Variants in PCDH15 observed in about 807,000 individuals in gnomAD.
The protein encoded by PCDH15 is protocadherin-15.
A neutral mutation model predicts 178.5 loss-of-function variants in PCDH15; 129 were observed. The ratio of observed to expected loss-of-function variants is 0.72; its 90% CI spans 0.63 to 0.84. The LOEUF is 0.84. Among genes scored for constraint, PCDH15 ranks in the 40% least tolerant of loss-of-function variants. The pLI, the probability that PCDH15 is intolerant of heterozygous loss-of-function variation, is 0.00. For missense variants in PCDH15, 2,230 were observed against 2,099.9 expected, an observed-to-expected ratio of 1.06 and a Z score of -1.21; for synonymous variants, 800 against 732.0, an observed-to-expected ratio of 1.09 and a Z score of -1.50.
chr10:53,937,413 A>G (rs1490212059), intron 25 of PCDH15, among the ~76,000 whole-genome samples: 1 of 152,182 alleles, frequency 6.6e-6, no homozygotes, highest in African/African-American at 2.4e-5. Flanking sequence ...CAACCTTTCC[A>G]CTCCTCATTT....
chr10:54,215,983 C>A (rs2134129546), intron 9 of PCDH15, among the ~76,000 whole-genome samples: 1 of 97,186 alleles, frequency 1.0e-5, no homozygotes, highest in South Asian at 3.3e-4. Flanking sequence ...GCGGAGCTTG[C>A]AGTGAGCTGA....
At chr10:54,415,713 G>T (rs1005093263) in intron 3 of PCDH15, among the ~76,000 whole-genome samples, 4 of 152,034 alleles carry the variant, frequency 2.6e-5, no homozygotes, top group Non-Finnish European at 5.9e-5. Flanking sequence ...TGATATAAAG[G>T]TAAATTTAGT....
rs1203414460 is a variant in PCDH15, at chr10:54,306,424, C to A, written c.876+10847G>T. On this transcript the variant is annotated intron_variant, in intron 8 of 37. Transcript: ENST00000644397. ...TTGTGGAGTTGGGCAAGTTCAAAAT[C>A]TGTAGGACAGGCCAGCAGGCTGGAG... is the stretch of plus-strand genomic sequence containing the variant. 2.6e-5 allele frequency among the ~76,000 whole-genome samples: 4 copies of A among 152,084 alleles called. No individual in the cohort carries two copies. In the East Asian group the frequency reaches 7.8e-4, roughly 29 times the overall value.
intron 21 of PCDH15, among the ~76,000 whole-genome samples, chr10:53,990,826 G>A (rs2091423542): frequency 6.6e-6 from 1 of 152,020 alleles, no homozygotes; most frequent in South Asian, 2.1e-4. Flanking sequence ...GGTGCAGGTG[G>A]GAACTGGGGC....
intron 23 of PCDH15, among the ~76,000 whole-genome samples, chr10:53,948,924 C>T (rs2086790511): frequency 6.6e-6 from 1 of 152,096 alleles, no homozygotes; most frequent in South Asian, 2.1e-4. Context: ...ATTAATGTAT[C>T]CTACTGTATG....
chr10:54,214,466 G>C (rs1196915541), intron 9 of PCDH15, among the ~76,000 whole-genome samples: 1 of 152,040 alleles, frequency 6.6e-6, no homozygotes, highest in Non-Finnish European at 1.5e-5. Context: ...GAGATGCTTG[G>C]AAATTAATGT....
intron 2 of PCDH15, among the ~76,000 whole-genome samples, chr10:55,351,012 C>T (rs1268966826): frequency 9.4e-6 from 1 of 105,882 alleles, no homozygotes; most frequent in African/African-American, 3.6e-5. Context: ...CTCCCCCTCC[C>T]TCTCTCCCTG....
intron 8 of PCDH15, among the ~76,000 whole-genome samples, chr10:54,239,064 G>A (rs937360616): frequency 6.6e-6 from 1 of 152,034 alleles, no homozygotes; most frequent in Non-Finnish European, 1.5e-5. Context: ...TATAAAATAA[G>A]TAATTTCTTA....
chr10:55,401,655 T>C (rs1838074538), intron 2 of PCDH15, among the ~76,000 whole-genome samples: 1 of 145,124 alleles, frequency 6.9e-6, no homozygotes, highest in Non-Finnish European at 1.5e-5. Flanking sequence ...AGCCACTAGG[T>C]TGAACAAATC....
intron 15 of PCDH15, among the ~76,000 whole-genome samples, chr10:54,122,034 G>C (rs148137731): frequency 1.5e-4 from 17 of 110,574 alleles, no homozygotes; most frequent in South Asian, 8.5e-4. Context: ...CACACACACA[G>C]AGACAGACAC....
chr10:54,671,443 A>G (rs1030355135), intron 1 of PCDH15, among the ~76,000 whole-genome samples: 1 of 152,202 alleles, frequency 6.6e-6, no homozygotes, highest in Admixed American at 6.5e-5. Flanking sequence ...ATAATGTAAT[A>G]TAATAAAAGT....
At chr10:55,058,081 T>C (rs1841347458) in intron 2 of PCDH15, among the ~76,000 whole-genome samples, 2 of 152,196 alleles carry the variant, frequency 1.3e-5, no homozygotes, top group African/African-American at 2.4e-5. Flanking sequence ...TTAATAATTA[T>C]GAAAGGTATT....
intron 10 of PCDH15, among the ~76,000 whole-genome samples, chr10:54,199,862 T>C (rs915173071): frequency 6.6e-6 from 1 of 152,104 alleles, no homozygotes; most frequent in Non-Finnish European, 1.5e-5. Context: ...CTAGGTTTTG[T>C]TTGAAAAGCG....
At chr10:54,759,202 G>C (rs920397118) in intron 1 of PCDH15, among the ~76,000 whole-genome samples, 4 of 152,220 alleles carry the variant, frequency 2.6e-5, no homozygotes, top group Admixed American at 1.3e-4. Context: ...TAAAGAATGT[G>C]ACATGATATT....
intron 1 of PCDH15, among the ~76,000 whole-genome samples, chr10:55,215,449 C>T (rs1033372398): frequency 8.5e-5 from 13 of 152,062 alleles, no homozygotes; most frequent in Admixed American, 2.0e-4. Flanking sequence ...CACAATTCTA[C>T]ATAAATTATT....
chr10:54,868,660 C>T (rs575635626), intron 3 of PCDH15, among the ~76,000 whole-genome samples: 7 of 152,172 alleles, frequency 4.6e-5, no homozygotes, highest in Non-Finnish European at 8.8e-5. Flanking sequence ...AAACATGCCA[C>T]TCTTCTCCAA....
At chr10:53,947,154 C>T (rs1298987673) in intron 23 of PCDH15, among the ~76,000 whole-genome samples, 1 of 152,106 alleles carries the variant, frequency 6.6e-6, no homozygotes, top group Admixed American at 6.6e-5. Flanking sequence ...TATATATTAA[C>T]TAATTTTCTG....
intron 2 of PCDH15, among the ~76,000 whole-genome samples, chr10:55,338,813 T>A (rs1844472112): frequency 6.6e-6 from 1 of 151,746 alleles, no homozygotes; most frequent in African/African-American, 2.4e-5. Context: ...ACAAACAAAA[T>A]CCTTTGATTG....
At chr10:54,320,998 AAT>A (rs1035556347) in intron 7 of PCDH15, among the ~76,000 whole-genome samples, 1 of 150,938 alleles carries the variant, frequency 6.6e-6, no homozygotes, top group Non-Finnish European at 1.5e-5. Flanking sequence ...TAAATTTCTA[AAT>A]ATATATATAT....
Sources: allele counts gnomAD v4.1 joint callset (sites outside exome capture counted in the v4.1 genomes callset), GRCh38; gene constraint gnomAD v4.1.1; transcripts MANE v1.5; gene names NCBI Gene and HGNC (gene_info 2026-07-23, HGNC 2026-07-21).